Variants in RHPN2 observed in about 807,000 individuals in gnomAD.
RHPN2 encodes the protein rhophilin-2.
In RHPN2, 40 loss-of-function variants were observed where a neutral mutation model predicts 79.0. The observed-to-expected ratio is 0.51, with a 90% CI of 0.39 to 0.66. The LOEUF (loss-of-function observed/expected upper bound fraction) is 0.66, where lower values mean the gene tolerates loss of function less well. Ranked by LOEUF, RHPN2 falls within the 30% of genes least tolerant of loss-of-function variation. The probability of loss-of-function intolerance (pLI) is 0.00; values close to 1 mark genes in which losing one functional copy is unlikely to be tolerated. For synonymous variants in RHPN2, 285 were observed against 363.5 expected, an observed-to-expected ratio of 0.78 and a Z score of 2.46; for missense variants, 686 against 883.5, an observed-to-expected ratio of 0.78 and a Z score of 2.83.
chr19:32,983,907 G>C (rs528114996), intron 14 of RHPN2, among the ~76,000 whole-genome samples: 6 of 152,156 alleles, frequency 3.9e-5, no homozygotes, highest in African/African-American at 7.2e-5. Flanking sequence ...GATTACAGGC[G>C]TGAGCCACTG....
intron 4 of RHPN2, among the ~76,000 whole-genome samples, chr19:33,013,231 G>A (rs1172994418): frequency 2.7e-5 from 4 of 150,008 alleles, no homozygotes; most frequent in Non-Finnish European, 5.9e-5. Flanking sequence ...TTTCACTCCT[G>A]TTGCCCAGGC....
In RHPN2 at chr19:33,002,062, G is replaced by A. The variant is rs138354013; in HGVS notation, c.1105+185C>T. Among the ~76,000 whole-genome samples, 637 of 152,194 alleles carry A rather than the reference G, an allele frequency of 4.2e-3. 3 individuals are homozygous for A. Among genetic ancestry groups the A allele is most frequent in the African/African-American group, 0.015 (606 of 41,534 alleles). ...GCCTCTTCTTCCTCCCTCTAAAGAAGCTTATAACCCCTAACCCCACCATGG... is the reference window on the plus strand; with the variant it reads ...GCCTCTTCTTCCTCCCTCTAAAGAAACTTATAACCCCTAACCCCACCATGG... On this transcript the variant is annotated intron_variant, in intron 9 of 14. Coordinates refer to ENST00000254260, the MANE Select transcript of RHPN2 (RefSeq NM_033103.5).
chr19:33,018,988 G>A (rs1220164966), intron 4 of RHPN2, among the ~76,000 whole-genome samples: 4 of 146,094 alleles, frequency 2.7e-5, no homozygotes, highest in Admixed American at 1.4e-4. Context: ...CCGAGATGCC[G>A]TCATTGCCCT....
intron 8 of RHPN2, 50 bp from the exon 9 acceptor site, chr19:33,002,453 A>G: frequency 6.2e-7 from 1 of 1,609,226 alleles, no homozygotes; most frequent in South Asian, 1.1e-5. Flanking sequence ...AAGGGCCCTC[A>G]TGAACCCATT....
intron 1 of RHPN2, among the ~76,000 whole-genome samples, chr19:33,046,705 T>G (rs1465026507): frequency 2.6e-5 from 4 of 152,246 alleles, no homozygotes; most frequent in African/African-American, 9.6e-5. Flanking sequence ...TGCTGGTCTA[T>G]CTTTTTTATT....
intron 2 of RHPN2, among the ~76,000 whole-genome samples, chr19:33,034,791 A>T: frequency 6.7e-6 from 1 of 150,240 alleles, no homozygotes; most frequent in African/African-American, 2.4e-5. Context: ...CTCAAAAAAA[A>T]AAAAAAAAAA....
intron 3 of RHPN2, among the ~76,000 whole-genome samples, chr19:33,024,746 C>A (rs942046085): frequency 1.3e-5 from 2 of 152,200 alleles, no homozygotes; most frequent in Non-Finnish European, 2.9e-5. Context: ...AAAGTTATTT[C>A]TCCTTAAAAA....
At chr19:33,054,543 A>G (rs1972216681) in intron 1 of RHPN2, among the ~76,000 whole-genome samples, 1 of 151,912 alleles carries the variant, frequency 6.6e-6, no homozygotes, top group Non-Finnish European at 1.5e-5. Flanking sequence ...GCCATAGGGA[A>G]CTCCGAGGGT....
intron 14 of RHPN2, among the ~76,000 whole-genome samples, chr19:32,983,337 CCT>C (rs1313942238): frequency 6.6e-6 from 1 of 151,914 alleles, no homozygotes; most frequent in East Asian, 2.0e-4. Flanking sequence ...ATGGTGAAAC[CCT>C]GTCTCTACTA....
intron 1 of RHPN2, among the ~76,000 whole-genome samples, chr19:33,050,264 A>G (rs1415343739): frequency 6.6e-6 from 1 of 152,146 alleles, no homozygotes; most frequent in Non-Finnish European, 1.5e-5. Flanking sequence ...AGGTGGGCTG[A>G]GCTGAGAAAC....
intron 10 of RHPN2, among the ~76,000 whole-genome samples, chr19:32,997,169 G>C (rs557340117): frequency 6.6e-5 from 10 of 152,254 alleles, no homozygotes; most frequent in Admixed American, 4.6e-4. Context: ...AGACTGCTGG[G>C]ATGACAGGCG....
chr19:33,043,434 C>T (rs1972116811), intron 2 of RHPN2, among the ~76,000 whole-genome samples: 1 of 152,062 alleles, frequency 6.6e-6, no homozygotes, highest in Non-Finnish European at 1.5e-5. Context: ...TGCCTGTGGT[C>T]CCAGCTACTG....
chr19:33,000,305 C>T (rs1393837331), intron 9 of RHPN2, among the ~76,000 whole-genome samples: 2 of 151,730 alleles, frequency 1.3e-5, no homozygotes, highest in African/African-American at 4.8e-5. Context: ...ACTGCAACCT[C>T]CACCTCCCGG....
chr19:33,017,758 C>T (rs1971890126), intron 4 of RHPN2, among the ~76,000 whole-genome samples: 2 of 149,000 alleles, frequency 1.3e-5, no homozygotes, highest in African/African-American at 2.5e-5. Flanking sequence ...TGGTGGTTGA[C>T]GCCTGTAATC....
intron 2 of RHPN2, among the ~76,000 whole-genome samples, chr19:33,038,358 G>A (rs955563036): frequency 7.2e-5 from 11 of 152,002 alleles, no homozygotes; most frequent in South Asian, 2.1e-4. Context: ...GGCTGAGGCG[G>A]GAGGACAGCT....
chr19:33,064,759 C>G (rs894210166), intron 1 of RHPN2, 25 bp downstream of exon 1: 9 of 1,026,858 alleles, frequency 8.8e-6, no homozygotes, highest in Non-Finnish European at 1.2e-5. Flanking sequence ...CGCAGGTCCC[C>G]GCCCGCCCGC....
chr19:33,035,631 T>C (rs964318086), intron 2 of RHPN2, among the ~76,000 whole-genome samples: 1 of 152,104 alleles, frequency 6.6e-6, no homozygotes, highest in African/African-American at 2.4e-5. Flanking sequence ...CGACTCCATT[T>C]TGAGTGAGGG....
At chr19:33,011,839 G>T in intron 5 of RHPN2, 36 bp from the exon 6 acceptor site, 1 of 1,613,766 alleles carries the variant, frequency 6.2e-7, no homozygotes, top group East Asian at 2.2e-5. Flanking sequence ...CATGAGCAGA[G>T]GAGGACACAG....
chr19:33,001,840 A>G (rs867463158), intron 9 of RHPN2, among the ~76,000 whole-genome samples: 14 of 152,086 alleles, frequency 9.2e-5, no homozygotes, highest in Middle Eastern at 3.2e-3. Flanking sequence ...CTGACCTCAA[A>G]TGATCTGCCT....
Sources: allele counts gnomAD v4.1 joint callset (sites outside exome capture counted in the v4.1 genomes callset), GRCh38; gene constraint gnomAD v4.1.1; transcripts MANE v1.5; gene names NCBI Gene and HGNC (gene_info 2026-07-23, HGNC 2026-07-21).